The following NELL2 variants were observed in gnomAD, a reference collection of about 807,000 sequenced individuals.
The protein encoded by NELL2 is neural EGFL like 2.
NELL2 carries 41 observed loss-of-function variants against 109.6 expected under a neutral mutation model. The ratio of observed to expected loss-of-function variants is 0.37; its 90% CI spans 0.29 to 0.49. NELL2 has a LOEUF of 0.49. Ranked by LOEUF, NELL2 falls within the 20% of genes least tolerant of loss-of-function variation. The probability of loss-of-function intolerance (pLI) is 0.98; values close to 1 mark genes in which losing one functional copy is unlikely to be tolerated. For synonymous variants in NELL2, 355 were observed against 344.7 expected, an observed-to-expected ratio of 1.03 and a Z score of -0.33; for missense variants, 900 against 1,008.3, an observed-to-expected ratio of 0.89 and a Z score of 1.45.
intron 3 of NELL2, among the ~76,000 whole-genome samples, chr12:44,799,900 A>T (rs896635913): frequency 6.6e-6 from 1 of 152,206 alleles, no homozygotes; most frequent in Non-Finnish European, 1.5e-5. Flanking sequence ...ACTTATCTAC[A>T]GAGAGGAAGT....
intron 15 of NELL2, among the ~76,000 whole-genome samples, chr12:44,588,964 T>C (rs779237645): frequency 3.9e-5 from 6 of 152,228 alleles, no homozygotes; most frequent in Non-Finnish European, 7.3e-5. Context: ...TAGCACTTAG[T>C]ATGTGCCAGG....
At chr12:44,513,147 A>C (rs1257050117) in intron 19 of NELL2, among the ~76,000 whole-genome samples, 1 of 151,986 alleles carries the variant, frequency 6.6e-6, no homozygotes, top group Non-Finnish European at 1.5e-5. Flanking sequence ...TGAAGGCCTA[A>C]AAGGGCCATG....
Position 44,876,099 on chromosome 12 carries a change from C to A in NELL2, c.-230G>T. ...GCGCACATCATTCCCACACGCAGGG[C>A]CGAGGCGGCAGCGCGGCCCGGAGGG... On this transcript the variant is annotated 5_prime_UTR_variant, in exon 1 of 20. Transcript: ENST00000429094. The A allele has an allele frequency of 3.0e-6, 4 of 1,341,068 alleles. No individual in the cohort carries two copies. Among genetic ancestry groups the A allele is most frequent in the Non-Finnish European group, 3.8e-6 (4 of 1,047,144 alleles). The allele number at this position is 1,341,068 out of a possible 1,614,324, so 83.1% of individuals were successfully genotyped here. A position where few individuals can be genotyped will look rare whatever the true frequency, so the allele number is the denominator to read the frequency against.
intron 15 of NELL2, among the ~76,000 whole-genome samples, chr12:44,599,699 G>A (rs945768170): frequency 2.6e-5 from 4 of 152,152 alleles, no homozygotes; most frequent in African/African-American, 9.7e-5. Context: ...GATGAAAGCG[G>A]TTAACTCTTC....
intron 15 of NELL2, among the ~76,000 whole-genome samples, chr12:44,587,945 A>T (rs1293442748): frequency 1.3e-5 from 2 of 152,068 alleles, no homozygotes. Flanking sequence ...AGGTCAGGAG[A>T]TAGAGACCAT....
chr12:44,657,287 C>T (rs1322352377), intron 13 of NELL2, among the ~76,000 whole-genome samples: 1 of 152,100 alleles, frequency 6.6e-6, no homozygotes, highest in Non-Finnish European at 1.5e-5. Context: ...AAATATTTAA[C>T]TCATTTAATA....
chr12:44,686,122 T>C (rs1948707581), intron 12 of NELL2, among the ~76,000 whole-genome samples: 1 of 152,218 alleles, frequency 6.6e-6, no homozygotes, highest in Non-Finnish European at 1.5e-5. Flanking sequence ...TTTCTTTTTA[T>C]TCTTTTTCTC....
rs1555177218 is a variant in NELL2, at chr12:44,566,566, C to CAG, written c.1664-33847_1664-33846dup. Among the ~76,000 whole-genome samples, 800 of 138,494 alleles carry CAG rather than the reference C, an allele frequency of 5.8e-3. 9 individuals carry two copies. Among genetic ancestry groups the CAG allele is most frequent in the African/African-American group, 0.019 (753 of 38,732 alleles). 90.9% of individuals were successfully genotyped at this position (138,494 alleles called of 152,430 possible). On this transcript the variant is annotated intron_variant, in intron 15 of 19. Coordinates refer to ENST00000429094, the MANE Select transcript of NELL2 (RefSeq NM_001145108.2). Reference sequence around the variant, plus strand: ...ACACACACACACACACACACACACACAGAGTTTTATGAATAGCAATAGGAG... The same window carrying CAG: ...ACACACACACACACACACACACACACAGAGAGTTTTATGAATAGCAATAGGAG...
At chr12:44,753,870 T>C (rs1288481592) in intron 9 of NELL2, among the ~76,000 whole-genome samples, 1 of 152,120 alleles carries the variant, frequency 6.6e-6, no homozygotes, top group African/African-American at 2.4e-5. Context: ...TTTGTTAAAA[T>C]TTCCCCTAAT....
chr12:44,570,322 T>G (rs1943816983), intron 15 of NELL2, among the ~76,000 whole-genome samples: 1 of 152,092 alleles, frequency 6.6e-6, no homozygotes, highest in Non-Finnish European at 1.5e-5. Context: ...GTGAGAGGGA[T>G]TTTTCCAGTG....
At chr12:44,600,127 AATTT>A (rs57168113) in intron 15 of NELL2, among the ~76,000 whole-genome samples, 30,840 of 131,870 alleles carry the variant, frequency 0.23, 4,247 homozygotes, top group African/African-American at 0.39. Context: ...ACGCCCGGCT[AATTT>A]ATTTATTTAT....
intron 15 of NELL2, among the ~76,000 whole-genome samples, chr12:44,565,174 C>G (rs548531302): frequency 6.6e-6 from 1 of 152,232 alleles, no homozygotes; most frequent in East Asian, 1.9e-4. Context: ...TTAGAACATT[C>G]TTCCTCAGAT....
intron 12 of NELL2, among the ~76,000 whole-genome samples, chr12:44,696,209 T>C (rs1427602020): frequency 6.6e-6 from 1 of 152,174 alleles, no homozygotes; most frequent in African/African-American, 2.4e-5. Context: ...TAAAAAACAG[T>C]TACTTGAACT....
chr12:44,673,946 A>C (rs1402087852), intron 12 of NELL2, among the ~76,000 whole-genome samples: 5 of 152,084 alleles, frequency 3.3e-5, no homozygotes, highest in Non-Finnish European at 7.4e-5. Flanking sequence ...AAAAAAAAAA[A>C]CTTCATTCAT....
intron 19 of NELL2, among the ~76,000 whole-genome samples, chr12:44,512,897 T>A (rs1450334575): frequency 1.3e-5 from 2 of 152,056 alleles, no homozygotes; most frequent in African/African-American, 4.8e-5. Context: ...TAGTGTTCTA[T>A]AACACTGTAG....
chr12:44,701,922 C>T lies in NELL2; in HGVS notation c.1318+1804G>A, dbSNP rs184299045. On this transcript the variant is annotated intron_variant, in intron 12 of 19. Transcript: ENST00000429094. ...TTGCAAACTTTCCTACATTACCTGG[C>T]CCCTGCCTAATTCTCCAACAGGATT... Among the ~76,000 whole-genome samples the T allele has an allele frequency of 4.6e-5, 7 of 152,256 alleles. No individual in the cohort carries two copies. The East Asian group carries it at 1.4e-3, about 29-fold the overall frequency.
chr12:44,880,037 C>CAAT (rs993549690), upstream of NELL2, among the ~76,000 whole-genome samples: 17 of 150,016 alleles, frequency 1.1e-4, no homozygotes, highest in Admixed American at 2.7e-4. Context: ...TCCTGCTGTG[C>CAAT]AATAATAATA....
chr12:44,774,889 G>A, intron 8 of NELL2, 40 bp from the exon 9 acceptor site: 1 of 1,479,766 alleles, frequency 6.8e-7, no homozygotes. Flanking sequence ...CCATGTTAGA[G>A]TTTAGTAGTT....
chr12:44,679,912 G>C (rs1451411747), intron 12 of NELL2, among the ~76,000 whole-genome samples: 2 of 152,000 alleles, frequency 1.3e-5, no homozygotes. Context: ...CTTTTTGTCT[G>C]TGCTTATTCA....
Sources: gnomAD v4.1 joint callset for allele counts (sites outside exome capture counted in the v4.1 genomes callset) on GRCh38, gnomAD v4.1.1 for gene constraint, MANE v1.5 for transcripts, NCBI Gene and HGNC (gene_info 2026-07-23, HGNC 2026-07-21) for gene names.